The following COX7A2L variants were observed in gnomAD, a reference collection of about 807,000 sequenced individuals.
COX7A2L encodes the protein cytochrome c oxidase subunit 7A2-like, mitochondrial.
COX7A2L carries 18 observed loss-of-function variants against 14.2 expected under a neutral mutation model. That is an observed-to-expected ratio of 1.27 (90% CI 0.88 to 1.88). COX7A2L has a LOEUF of 1.88. COX7A2L is among the 40% of genes most tolerant of loss of function. The pLI is 0.00. For synonymous variants in COX7A2L, 65 were observed against 57.4 expected (o/e 1.13, Z -0.60); for missense variants, 179 against 138.8 (o/e 1.29, Z -1.46).
At position 42,338,257 on chromosome 2, in the gene COX7A2L, ACTC is replaced by A. The variant is rs746162360; in HGVS notation, c.193-4391_193-4389del. Among the ~76,000 whole-genome samples, 2 of 151,482 alleles carry A rather than the reference ACTC, an allele frequency of 1.3e-5. No homozygotes were observed. The highest frequency in any genetic ancestry group is 2.1e-4 in the South Asian group (1 of 4,796). ...TGCTTCCGGTTGATGTGTCGTTGGT[ACTC>A]CTCCTCGGATGCCCTCTCCTGAAGC... On this transcript the variant is annotated intron_variant, in intron 2 of 2. Transcript: ENST00000468711. This position sits in a 1 kb window ranked among gnomAD's most constrained non-coding sequence, Gnocchi z 4.4.
chr2:42,358,544 G>C (rs934132307), intron 1 of COX7A2L, among the ~76,000 whole-genome samples: 1 of 152,164 alleles, frequency 6.6e-6, no homozygotes. Context: ...CACCTAGTTG[G>C]GAGGGCACCT....
chr2:42,362,863 CTT>C (rs529125372), upstream of COX7A2L, among the ~76,000 whole-genome samples: 16,007 of 134,112 alleles, frequency 0.12, 959 homozygotes, highest in East Asian at 0.18. Flanking sequence ...TAGTGATTTC[CTT>C]TTTTTTTTTT....
At position 42,338,674 on chromosome 2, in the gene COX7A2L, C is replaced by T. The variant is rs961986148; in HGVS notation, c.193-4805G>A. Among the ~76,000 whole-genome samples the T allele has an allele frequency of 7.9e-5, 12 of 152,052 alleles. No homozygotes were observed. The highest frequency in any genetic ancestry group is 2.1e-4 in the South Asian group (1 of 4,820). Reference sequence around the variant, plus strand: ...CATCCCCACCTGGCGGTCAGCCTGTCGAGGGGCCAGTGAGGAATCTGACAG... The same window carrying T: ...CATCCCCACCTGGCGGTCAGCCTGTTGAGGGGCCAGTGAGGAATCTGACAG... On this transcript the variant is annotated intron_variant, in intron 2 of 2. Coordinates refer to the COX7A2L transcript ENST00000468711. This position sits in a 1 kb window ranked among gnomAD's most constrained non-coding sequence, Gnocchi z 4.4.
chr2:42,352,433 C>G (rs901530885), intron 2 of COX7A2L, among the ~76,000 whole-genome samples: 1 of 152,170 alleles, frequency 6.6e-6, no homozygotes, highest in Admixed American at 6.5e-5. Context: ...CACAAGTGAG[C>G]CACCACACCT....
intron 2 of COX7A2L, among the ~76,000 whole-genome samples, chr2:42,336,792 C>T (rs938384969): frequency 6.6e-5 from 10 of 150,860 alleles, no homozygotes; most frequent in African/African-American, 2.2e-4. Context: ...ATTGTGTTGC[C>T]ACCACCTTCA....
rs766121012 is a variant in COX7A2L at position 42,351,187 on chromosome 2, CCAAAAAA to C, written c.*25_*31del. 4.5e-5 allele frequency: 71 copies of C among 1,585,146 alleles called. No homozygotes were observed. The African/African-American group carries it at 6.8e-4, about 15-fold the overall frequency. ...AAAAAGGAACTTCAAAGGGTTTATG[CCAAAAAA>C]CAAACCAGTCCTCTGCAGCCTAACT... On this transcript the variant is annotated 3_prime_UTR_variant, in exon 3 of 3. Coordinates refer to ENST00000234301, the MANE Select transcript of COX7A2L (RefSeq NM_004718.4).
Position 42,351,163 on chromosome 2 carries a change from A to T in COX7A2L, c.*56T>A. Reference sequence around the variant, plus strand: ...AAAAAAAATTTTAATTTAACAATGAAAAAGGAACTTCAAAGGGTTTATGCC... The same window carrying T: ...AAAAAAAATTTTAATTTAACAATGATAAAGGAACTTCAAAGGGTTTATGCC... On this transcript the variant is annotated 3_prime_UTR_variant, in exon 3 of 3. Coordinates refer to ENST00000234301, the MANE Select transcript of COX7A2L (RefSeq NM_004718.4). 6.6e-7 allele frequency: 1 copy of T among 1,507,758 alleles called. No individual in the cohort carries two copies. Among genetic ancestry groups the T allele is most frequent in the East Asian group, 2.3e-5 (1 of 42,588 alleles). 93.4% of individuals were successfully genotyped at this position (1,507,758 alleles called of 1,614,324 possible).
chr2:42,345,806 G>A (rs1048652884), downstream of COX7A2L, among the ~76,000 whole-genome samples: 13 of 152,184 alleles, frequency 8.5e-5, no homozygotes, highest in Non-Finnish European at 1.5e-5. Context: ...GTGAAGAGTA[G>A]GACCGCACTT....
At chr2:42,356,218 A>C (rs1484760163) in intron 1 of COX7A2L, among the ~76,000 whole-genome samples, 1 of 152,110 alleles carries the variant, frequency 6.6e-6, no homozygotes, top group African/African-American at 2.4e-5. Context: ...ACCCAACCCC[A>C]TAAGTCACCT....
At chr2:42,336,805 G>A (rs1057233426) in intron 2 of COX7A2L, among the ~76,000 whole-genome samples, 1 of 139,318 alleles carries the variant, frequency 7.2e-6, no homozygotes, top group African/African-American at 2.8e-5. Context: ...CACCTTCAAA[G>A]TGGCAGCCAG....
intron 1 of COX7A2L, among the ~76,000 whole-genome samples, chr2:42,360,277 T>C (rs926466057): frequency 6.6e-6 from 1 of 152,180 alleles, no homozygotes; most frequent in Non-Finnish European, 1.5e-5. Flanking sequence ...GCTAGTCACT[T>C]GACACACTTC....
chr2:42,337,121 G>C (rs1670294113), intron 2 of COX7A2L, among the ~76,000 whole-genome samples: 1 of 152,088 alleles, frequency 6.6e-6, no homozygotes, highest in Non-Finnish European at 1.5e-5. Context: ...TATTCCTAAG[G>C]AATCTTGGAT....
chr2:42,366,408 A>C (rs1445356506), intron 1 of COX7A2L, among the ~76,000 whole-genome samples: 1 of 152,204 alleles, frequency 6.6e-6, no homozygotes, highest in Admixed American at 6.5e-5. Flanking sequence ...TGGGTGACAG[A>C]ATGAGACCCT....
intron 2 of COX7A2L, among the ~76,000 whole-genome samples, chr2:42,340,978 C>A (rs991079857): frequency 6.6e-6 from 1 of 152,200 alleles, no homozygotes; most frequent in African/African-American, 2.4e-5. Flanking sequence ...GCGAGCTCAC[C>A]TCTGGCATCC....
chr2:42,345,370 C>A (rs1313929516), downstream of COX7A2L, among the ~76,000 whole-genome samples: 1 of 152,040 alleles, frequency 6.6e-6, no homozygotes, highest in Non-Finnish European at 1.5e-5. Flanking sequence ...GTGACAAAAG[C>A]AAAGCTCTGT....
chr2:42,336,882 T>A (rs753248468), intron 2 of COX7A2L, among the ~76,000 whole-genome samples: 2 of 152,104 alleles, frequency 1.3e-5, no homozygotes, highest in Non-Finnish European at 2.9e-5. Flanking sequence ...CAGATATATA[T>A]TAAGAACCTG....
intron 2 of COX7A2L, among the ~76,000 whole-genome samples, chr2:42,336,094 C>T (rs990720529): frequency 1.3e-5 from 2 of 152,238 alleles, no homozygotes; most frequent in Non-Finnish European, 2.9e-5. Flanking sequence ...ATTTCCATTT[C>T]ACTGAGCTCA....
chr2:42,340,467 T>A (rs937742434), intron 2 of COX7A2L, among the ~76,000 whole-genome samples: 2 of 152,178 alleles, frequency 1.3e-5, no homozygotes, highest in East Asian at 3.9e-4. Flanking sequence ...AAAAACATCC[T>A]TGCTGGATCA....
chr2:42,340,616 C>A (rs913937293), intron 2 of COX7A2L, among the ~76,000 whole-genome samples: 1 of 152,144 alleles, frequency 6.6e-6, no homozygotes, highest in Non-Finnish European at 1.5e-5. Context: ...CCCGACCCCC[C>A]AGGCGCACCC....
Sources: gnomAD v4.1 joint callset for allele counts (sites outside exome capture counted in the v4.1 genomes callset) on GRCh38, gnomAD v4.1.1 for gene constraint, Gnocchi (gnomAD v3.1) non-coding constraint, MANE v1.5 for transcripts, NCBI Gene and HGNC (gene_info 2026-07-23, HGNC 2026-07-21) for gene names.